DOCK3: variants seen among roughly 807,000 people sequenced by gnomAD.
The protein encoded by DOCK3 is dedicator of cytokinesis protein 3.
In DOCK3, 60 loss-of-function variants were observed where a neutral mutation model predicts 265.6. That is an observed-to-expected ratio of 0.23 (90% confidence interval 0.18 to 0.28). DOCK3 has a LOEUF of 0.28. Ranked by LOEUF, DOCK3 falls within the 10% of genes least tolerant of loss-of-function variation. The probability of loss-of-function intolerance (pLI) is 1.00; values close to 1 mark genes in which losing one functional copy is unlikely to be tolerated. For synonymous variants in DOCK3, 881 were observed against 938.0 expected (o/e 0.94, Z 1.11); for missense variants, 1,981 against 2,594.3 (o/e 0.76, Z 5.14).
chr3:51,025,246 A>G (rs1422055868), intron 5 of DOCK3, among the ~76,000 whole-genome samples: 7 of 152,136 alleles, frequency 4.6e-5, no homozygotes, highest in Admixed American at 4.6e-4. Context: ...AGGGCAGGCT[A>G]AGGCCCCTGT....
Position 51,035,131 on chromosome 3 carries a change from C to T in DOCK3, c.316-29317C>T, listed in dbSNP as rs13316002. ...TTGTAGTTTAGAATTTCTAAATTTACACCCTTCACCAATATTGGGAAATTG... is the reference window on the plus strand; with the variant it reads ...TTGTAGTTTAGAATTTCTAAATTTATACCCTTCACCAATATTGGGAAATTG... On this transcript the variant is annotated intron_variant, in intron 5 of 52. Transcript: ENST00000266037. Among the ~76,000 whole-genome samples, 560 of 152,148 alleles carry T rather than the reference C, an allele frequency of 3.7e-3. 4 individuals carry two copies. Among genetic ancestry groups the T allele is most frequent in the African/African-American group, 0.013 (537 of 41,534 alleles).
At chr3:50,983,463 C>T (rs1028264806) in intron 5 of DOCK3, among the ~76,000 whole-genome samples, 1 of 152,166 alleles carries the variant, frequency 6.6e-6, no homozygotes. Flanking sequence ...AGCCCAGGCT[C>T]AGCCAGAGCT....
At position 50,794,565 on chromosome 3, in the gene DOCK3, T is replaced by C. The variant is rs9817755; in HGVS notation, c.121+15807T>C. On this transcript the variant is annotated intron_variant, in intron 2 of 52. Transcript: ENST00000266037. ...ATTAGGATTGCAACCCCTGCTTTTT[T>C]CTATTTTGTCTTGCTTGGTAGATTT... is the stretch of plus-strand genomic sequence containing the variant. Among the ~76,000 whole-genome samples the C allele has an allele frequency of 2.7e-3, 416 of 152,304 alleles. 1 individual carries two copies. Among genetic ancestry groups the C allele is most frequent in the African/African-American group, 9.6e-3 (398 of 41,554 alleles).
chr3:51,341,120 C>G (rs757758852), intron 37 of DOCK3, 117 bp from the exon 38 acceptor site: 15 of 1,282,196 alleles, frequency 1.2e-5, no homozygotes, highest in Non-Finnish European at 1.6e-5. Flanking sequence ...TGTCCCCGAC[C>G]TGGGCTGCAC....
intron 1 of DOCK3, among the ~76,000 whole-genome samples, chr3:50,734,186 AAT>A (rs1271929941): frequency 6.6e-6 from 1 of 152,188 alleles, no homozygotes; most frequent in Non-Finnish European, 1.5e-5. Context: ...ACACACAACA[AAT>A]ATGTGTAGTT....
At chr3:50,976,497 G>T in intron 5 of DOCK3, among the ~76,000 whole-genome samples, 1 of 74,294 alleles carries the variant, frequency 1.3e-5, no homozygotes, top group Non-Finnish European at 2.6e-5. Flanking sequence ...ATTGCACTGT[G>T]GTCTGAGAGA....
intron 3 of DOCK3, 132 bp from the exon 4 acceptor site, chr3:50,889,894 A>G (rs1188742296): frequency 6.4e-6 from 4 of 624,534 alleles, no homozygotes; most frequent in Non-Finnish European, 9.8e-6. Context: ...CTGCATACTT[A>G]ATATGCAAAG....
chr3:51,200,856 T>A (rs1425861031), intron 12 of DOCK3, among the ~76,000 whole-genome samples: 1 of 150,936 alleles, frequency 6.6e-6, no homozygotes, highest in Admixed American at 6.6e-5. Flanking sequence ...CAGAAGAGAG[T>A]GGGGGCCAAT....
chr3:50,690,709 C>G (rs915427562), intron 1 of DOCK3, among the ~76,000 whole-genome samples: 1 of 151,402 alleles, frequency 6.6e-6, no homozygotes, highest in Non-Finnish European at 1.5e-5. Flanking sequence ...GTGGTGTGAT[C>G]TCGGCTCACT....
At chr3:50,758,543 G>A (rs1356942829) in intron 1 of DOCK3, among the ~76,000 whole-genome samples, 4 of 152,014 alleles carry the variant, frequency 2.6e-5, no homozygotes, top group South Asian at 2.1e-4. Flanking sequence ...CGCCGATCTC[G>A]TCTGAAAGTG....
At chr3:51,174,813 G>T (rs1183334118) in intron 12 of DOCK3, among the ~76,000 whole-genome samples, 1 of 152,154 alleles carries the variant, frequency 6.6e-6, no homozygotes, top group Non-Finnish European at 1.5e-5. Flanking sequence ...TATCACATTT[G>T]GGCAAGGTTG....
chr3:50,787,586 G>T, intron 2 of DOCK3: 2 of 1,032,072 alleles, frequency 1.9e-6, no homozygotes, highest in East Asian at 2.6e-5. Flanking sequence ...TTAGCTTTCT[G>T]CACTGGTGCT....
intron 11 of DOCK3, among the ~76,000 whole-genome samples, chr3:51,160,312 A>G (rs1176114622): frequency 6.6e-6 from 1 of 152,232 alleles, no homozygotes; most frequent in African/African-American, 2.4e-5. Context: ...TGGAGTGTTG[A>G]TATTGGTTTA....
At chr3:51,086,561 G>A (rs1476563156) in intron 7 of DOCK3, among the ~76,000 whole-genome samples, 3 of 152,228 alleles carry the variant, frequency 2.0e-5, no homozygotes, top group South Asian at 2.1e-4. Context: ...ACTTTGGGAG[G>A]CCAAGGCAGG....
At chr3:51,357,461 G>A (rs1025234733) in intron 44 of DOCK3, among the ~76,000 whole-genome samples, 2 of 152,196 alleles carry the variant, frequency 1.3e-5, no homozygotes, top group African/African-American at 4.8e-5. Context: ...GGCTGGATAA[G>A]AGGCTAGCCC....
chr3:50,973,380 T>C (rs1382286496), intron 5 of DOCK3, among the ~76,000 whole-genome samples: 2 of 142,208 alleles, frequency 1.4e-5, no homozygotes, highest in Non-Finnish European at 3.0e-5. Flanking sequence ...TGAGTGAGAA[T>C]ATGCGGTGTT....
chr3:51,365,378 G>A lies in DOCK3; in HGVS notation c.5293+2704G>A, dbSNP rs187819507. Among the ~76,000 whole-genome samples, 33 of 152,366 alleles carry A rather than the reference G, an allele frequency of 2.2e-4. No individual in the cohort carries two copies. In the East Asian group the frequency reaches 5.0e-3, roughly 23 times the overall value. ...CTGAAGTTGCTTATTAGCTTAAGGA[G>A]CTTTTGGGCTGAGACAGTGGGGTTT... On this transcript the variant is annotated intron_variant, in intron 49 of 52. Transcript: ENST00000266037.
chr3:51,326,584 T>TTGTTGC (rs1395983395), intron 32 of DOCK3, among the ~76,000 whole-genome samples: 648 of 5,386 alleles, frequency 0.12, 2 homozygotes, highest in Non-Finnish European at 0.2. Flanking sequence ...CTGGCATGTT[T>TTGTTGC]TGTTGTTGTT....
At chr3:51,250,755 G>C (rs1248996107) in intron 22 of DOCK3, among the ~76,000 whole-genome samples, 4 of 152,232 alleles carry the variant, frequency 2.6e-5, no homozygotes, top group Non-Finnish European at 1.5e-5. Flanking sequence ...GGTGATCTCT[G>C]AGCTGAAGTC....
Sources: allele counts gnomAD v4.1 joint callset (sites outside exome capture counted in the v4.1 genomes callset), GRCh38; gene constraint gnomAD v4.1.1; transcripts MANE v1.5; gene names NCBI Gene and HGNC (gene_info 2026-07-23, HGNC 2026-07-21).